RPS6KC1: variants seen among roughly 807,000 people sequenced by gnomAD.
RPS6KC1 encodes the protein ribosomal protein S6 kinase C1.
Under a neutral mutation model 103.8 loss-of-function variants are expected in RPS6KC1, and 54 were observed. The ratio of observed to expected loss-of-function variants is 0.52; its 90% CI spans 0.42 to 0.65. The LOEUF (loss-of-function observed/expected upper bound fraction) is 0.65. Among genes scored for constraint, RPS6KC1 ranks in the 30% least tolerant of loss-of-function variants. The pLI is 0.00. For missense variants in RPS6KC1, 1,151 were observed against 1,253.8 expected (o/e 0.92, Z 1.24); for synonymous variants, 439 against 438.7 (o/e 1.00, Z -0.01).
chr1:213,548,398 C>T, the RPS6KC1 span, among the ~76,000 whole-genome samples: 1 of 152,204 alleles, frequency 6.6e-6, no homozygotes, highest in Non-Finnish European at 1.5e-5. Context: ...AGTGGTGGCT[C>T]ACGCCTGTAA....
chr1:213,631,897 G>A, the RPS6KC1 span, among the ~76,000 whole-genome samples: 1 of 152,094 alleles, frequency 6.6e-6, no homozygotes, highest in Non-Finnish European at 1.5e-5. Flanking sequence ...TTTAACACAT[G>A]CACAGTTGGG....
the RPS6KC1 span, among the ~76,000 whole-genome samples, chr1:213,763,264 G>A: frequency 1.3e-5 from 2 of 152,172 alleles, no homozygotes; most frequent in Admixed American, 1.3e-4. Flanking sequence ...CAAACGACGA[G>A]AGTCCCTTCA....
the RPS6KC1 span, among the ~76,000 whole-genome samples, chr1:213,668,231 T>G: frequency 2.0e-5 from 3 of 149,862 alleles, no homozygotes; most frequent in African/African-American, 7.6e-5. Flanking sequence ...ACAAAATATG[T>G]TTTTTAAATA....
chr1:213,151,334 C>T (rs2088838677), intron 6 of RPS6KC1, among the ~76,000 whole-genome samples: 1 of 130,936 alleles, frequency 7.6e-6, no homozygotes, highest in Non-Finnish European at 1.6e-5. Flanking sequence ...GGGCGGCTGG[C>T]CGGGCGGGGG....
the RPS6KC1 span, among the ~76,000 whole-genome samples, chr1:213,515,226 T>G: frequency 6.6e-6 from 1 of 152,226 alleles, no homozygotes; most frequent in African/African-American, 2.4e-5. Flanking sequence ...AGAAGCTCTT[T>G]AGTTTAATGA....
the RPS6KC1 span, among the ~76,000 whole-genome samples, chr1:213,634,750 A>G: frequency 6.6e-6 from 1 of 151,966 alleles, no homozygotes; most frequent in South Asian, 2.1e-4. Context: ...TGAAAGAGAT[A>G]GAGACACTAA....
Position 213,117,325 on chromosome 1 carries a change from A to G in RPS6KC1, c.387A>G (p.Ile129Met). The G allele has an allele frequency of 6.3e-7, 1 of 1,595,684 alleles. No homozygotes were observed. Among genetic ancestry groups the G allele is most frequent in the Non-Finnish European group, 8.6e-7 (1 of 1,164,870 alleles). Residue 129 changes from isoleucine to methionine, a missense_variant, in exon 5 of 15, where the codon ATA becomes ATG. Physicochemically the swap from Ile to Met is conservative, Grantham distance 10. Transcript: ENST00000366960. ...KQLEDFFKGG[I>M]INDSSELIGP... ...TGCTCTTATCTCTTTAGGGTGGAAT[A>G]ATTAATGATAGTTCTGAATTAATTG...
the RPS6KC1 span, among the ~76,000 whole-genome samples, chr1:213,455,756 A>G: frequency 6.6e-6 from 1 of 152,222 alleles, no homozygotes; most frequent in Admixed American, 6.5e-5. Flanking sequence ...GGAGACAGAA[A>G]CTGACCAACA....
At chr1:213,414,563 G>A in the RPS6KC1 span, among the ~76,000 whole-genome samples, 5 of 152,082 alleles carry the variant, frequency 3.3e-5, no homozygotes, top group South Asian at 2.1e-4. Context: ...AGAGAGGCAC[G>A]GGGCATATTG....
At chr1:213,567,729 G>A in the RPS6KC1 span, among the ~76,000 whole-genome samples, 11 of 152,180 alleles carry the variant, frequency 7.2e-5, no homozygotes, top group South Asian at 2.1e-4. Context: ...GGAAATACAC[G>A]TGTAGAGGGA....
intron 7 of RPS6KC1, among the ~76,000 whole-genome samples, chr1:213,172,952 C>T (rs997899327): frequency 2.6e-5 from 4 of 152,178 alleles, no homozygotes; most frequent in Non-Finnish European, 5.9e-5. Context: ...TTGCTTCTCC[C>T]GTCGCGCTTC....
chr1:213,722,714 G>A, the RPS6KC1 span, among the ~76,000 whole-genome samples: 4 of 152,146 alleles, frequency 2.6e-5, no homozygotes, highest in Admixed American at 6.5e-5. Flanking sequence ...CAGGGGACTG[G>A]AGCAGCTATG....
the RPS6KC1 span, among the ~76,000 whole-genome samples, chr1:213,368,908 T>C: frequency 5.9e-5 from 9 of 152,240 alleles, no homozygotes; most frequent in African/African-American, 1.7e-4. Context: ...GTTATTAATA[T>C]GTAGTATCTC....
chr1:213,738,458 A>T, the RPS6KC1 span, among the ~76,000 whole-genome samples: 2 of 152,178 alleles, frequency 1.3e-5, no homozygotes, highest in African/African-American at 4.8e-5. Flanking sequence ...AAAGCCGCTG[A>T]CTAGAGGATG....
the RPS6KC1 span, among the ~76,000 whole-genome samples, chr1:213,670,668 G>T: frequency 2.6e-4 from 39 of 152,268 alleles, no homozygotes; most frequent in Middle Eastern, 3.4e-3. Context: ...CTGCACCTGG[G>T]CTGCACCTGC....
chr1:213,525,619 A>G, the RPS6KC1 span, among the ~76,000 whole-genome samples: 1 of 152,180 alleles, frequency 6.6e-6, no homozygotes, highest in Non-Finnish European at 1.5e-5. Context: ...GTGAAGAGAA[A>G]TCCACCAAGA....
chr1:213,185,287 A>C (rs1461854631), intron 8 of RPS6KC1, among the ~76,000 whole-genome samples: 1 of 152,108 alleles, frequency 6.6e-6, no homozygotes, highest in Non-Finnish European at 1.5e-5. Context: ...TAGGTAGGGT[A>C]GGTTTCTTGA....
intron 8 of RPS6KC1, among the ~76,000 whole-genome samples, chr1:213,188,496 G>T (rs2092623946): frequency 6.6e-6 from 1 of 151,956 alleles, no homozygotes; most frequent in Admixed American, 6.6e-5. Flanking sequence ...GTTGTTACTG[G>T]TAAAAATCTT....
the RPS6KC1 span, among the ~76,000 whole-genome samples, chr1:213,810,374 T>A: frequency 6.6e-6 from 1 of 152,154 alleles, no homozygotes; most frequent in African/African-American, 2.4e-5. Flanking sequence ...GTGTCAAAAT[T>A]ATTGCTCTTA....
Sources: gnomAD v4.1 joint callset for allele counts (sites outside exome capture counted in the v4.1 genomes callset) on GRCh38, gnomAD v4.1.1 for gene constraint, MANE v1.5 for transcripts, NCBI Gene and HGNC (gene_info 2026-07-23, HGNC 2026-07-21) for gene names.